Variants in ARL15 observed in about 807,000 individuals in gnomAD.
ARL15 encodes ARF like GTPase 15, also known as ADP-ribosylation factor-like protein 15.
In ARL15, 19 loss-of-function variants were observed where a neutral mutation model predicts 25.2. The observed-to-expected ratio is 0.75, with a 90% CI of 0.53 to 1.10. The LOEUF is 1.10. Among genes scored for constraint, ARL15 ranks in the 50% least tolerant of loss-of-function variants. ARL15 has a pLI of 0.00. For missense variants in ARL15, 220 were observed against 246.0 expected (o/e 0.89, Z 0.71); for synonymous variants, 94 against 86.8 (o/e 1.08, Z -0.46).
intron 4 of ARL15, among the ~76,000 whole-genome samples, chr5:54,052,885 G>C (rs1223823975): frequency 6.6e-6 from 1 of 152,140 alleles, no homozygotes; most frequent in East Asian, 1.9e-4. Flanking sequence ...TTCAACAAAA[G>C]GCTGATCCTG....
At chr5:54,165,425 T>A (rs1754533313) in intron 2 of ARL15, among the ~76,000 whole-genome samples, 1 of 151,976 alleles carries the variant, frequency 6.6e-6, no homozygotes, top group African/African-American at 2.4e-5. Flanking sequence ...TCCTTCAGAT[T>A]TTGTATGTCT....
At chr5:54,254,073 AT>A (rs1272298308) in intron 1 of ARL15, among the ~76,000 whole-genome samples, 3 of 152,234 alleles carry the variant, frequency 2.0e-5, no homozygotes, top group Non-Finnish European at 4.4e-5. Flanking sequence ...ACTGGACTCT[AT>A]TCTGCATAAA....
At chr5:54,120,942 T>C (rs1040495473) in intron 3 of ARL15, among the ~76,000 whole-genome samples, 3 of 152,220 alleles carry the variant, frequency 2.0e-5, no homozygotes, top group Non-Finnish European at 4.4e-5. Context: ...GTATTTTTTC[T>C]TTTTTATCAG....
intron 4 of ARL15, among the ~76,000 whole-genome samples, chr5:53,918,593 T>C (rs553924502): frequency 6.6e-6 from 1 of 151,916 alleles, no homozygotes; most frequent in Non-Finnish European, 1.5e-5. Context: ...ATCTGGGGGG[T>C]CATGCAAAAT....
chr5:53,981,790 T>A (rs992368619), intron 4 of ARL15, among the ~76,000 whole-genome samples: 1 of 151,100 alleles, frequency 6.6e-6, no homozygotes, highest in Non-Finnish European at 1.5e-5. Flanking sequence ...TCCCAGTTAC[T>A]CAGGAGGCTG....
intron 4 of ARL15, among the ~76,000 whole-genome samples, chr5:54,060,462 A>T (rs937119169): frequency 3.9e-5 from 6 of 152,202 alleles, no homozygotes; most frequent in South Asian, 2.1e-4. Flanking sequence ...AACAAATAAA[A>T]AAACATGGGA....
In ARL15 at chr5:53,886,705, T is replaced by G. The variant is rs1171496958; in HGVS notation, c.471A>C (p.Lys157Asn). ...PAARSVQEIK[K>N]YFELEPLARG... The stretch of plus-strand genomic sequence containing the variant: ...GTGCAAGTGGTTCAAGTTCAAAATA[T>G]TTTTTGATCTTAAGAGGAAAAAATA... Residue 157 changes from lysine to asparagine, a missense_variant, in exon 5 of 5, where the codon AAA becomes AAC. By Grantham distance (94) the Lys-to-Asn change is moderately conservative. Transcript: ENST00000504924. 1 of 1,549,796 alleles carries G rather than the reference T, an allele frequency of 6.5e-7. No individual in the cohort carries two copies. The highest frequency in any genetic ancestry group is 8.7e-7 in the Non-Finnish European group (1 of 1,149,016).
chr5:54,303,856 T>C (rs184051079), intron 1 of ARL15, among the ~76,000 whole-genome samples: 84 of 151,672 alleles, frequency 5.5e-4, no homozygotes, highest in African/African-American at 2.0e-3. Context: ...AGTAAGGAGG[T>C]TGCCTGAAAA....
At chr5:54,221,835 A>ATG (rs1211115923) in intron 1 of ARL15, among the ~76,000 whole-genome samples, 10 of 131,242 alleles carry the variant, frequency 7.6e-5, no homozygotes, top group African/African-American at 3.7e-4. Context: ...GCACACACAC[A>ATG]CACACACACA....
chr5:54,115,867 C>A (rs1752883326), intron 3 of ARL15, among the ~76,000 whole-genome samples: 2 of 152,212 alleles, frequency 1.3e-5, no homozygotes, highest in African/African-American at 2.4e-5. Flanking sequence ...AAGGAAACAG[C>A]AGGGGTACTG....
At chr5:54,065,903 T>G (rs1224572477) in intron 4 of ARL15, among the ~76,000 whole-genome samples, 1 of 152,160 alleles carries the variant, frequency 6.6e-6, no homozygotes, top group East Asian at 1.9e-4. Context: ...AACACAGCTA[T>G]TAGAAAATTT....
chr5:54,079,840 C>T (rs1434630865), intron 4 of ARL15, among the ~76,000 whole-genome samples: 4 of 151,970 alleles, frequency 2.6e-5, no homozygotes, highest in Admixed American at 2.6e-4. Context: ...CCTGGTGGCA[C>T]ATGCCTGTAA....
At chr5:54,242,004 G>C (rs1031609237) in intron 1 of ARL15, among the ~76,000 whole-genome samples, 5 of 152,036 alleles carry the variant, frequency 3.3e-5, no homozygotes, top group Non-Finnish European at 5.9e-5. Flanking sequence ...GGCAGAAATC[G>C]GGCTGAATGA....
intron 1 of ARL15, among the ~76,000 whole-genome samples, chr5:54,215,952 A>G (rs1756194185): frequency 6.6e-6 from 1 of 152,220 alleles, no homozygotes; most frequent in Non-Finnish European, 1.5e-5. Flanking sequence ...GTGGCATTAG[A>G]TCAAAGAATC....
intron 4 of ARL15, among the ~76,000 whole-genome samples, chr5:54,042,675 T>C (rs1376094583): frequency 6.6e-6 from 1 of 152,212 alleles, no homozygotes. Context: ...TAAAAATATT[T>C]GATAACTTTT....
At chr5:54,159,456 C>T (rs1754338864) in intron 2 of ARL15, among the ~76,000 whole-genome samples, 1 of 152,148 alleles carries the variant, frequency 6.6e-6, no homozygotes, top group African/African-American at 2.4e-5. Context: ...TTGCCTTGGC[C>T]TTGAATTCCT....
chr5:54,123,043 G>A (rs1240392588), intron 3 of ARL15, among the ~76,000 whole-genome samples: 1 of 151,906 alleles, frequency 6.6e-6, no homozygotes, highest in African/African-American at 2.4e-5. Flanking sequence ...ATCGATTCGA[G>A]GACAAGAAGT....
At chr5:54,021,573 C>T (rs568914519) in intron 4 of ARL15, among the ~76,000 whole-genome samples, 1 of 152,156 alleles carries the variant, frequency 6.6e-6, no homozygotes, top group South Asian at 2.1e-4. Context: ...AGAAATTACT[C>T]AATCTGAACA....
intron 3 of ARL15, among the ~76,000 whole-genome samples, chr5:54,139,816 A>G (rs1403918054): frequency 6.6e-6 from 1 of 152,148 alleles, no homozygotes; most frequent in East Asian, 1.9e-4. Context: ...TGGGCAACAG[A>G]ATGAGACCCT....
Sources: gnomAD v4.1 joint callset for allele counts (sites outside exome capture counted in the v4.1 genomes callset) on GRCh38, gnomAD v4.1.1 for gene constraint, MANE v1.5 for transcripts, NCBI Gene and HGNC (gene_info 2026-07-23, HGNC 2026-07-21) for gene names.